Variants in PAPPA observed in about 807,000 individuals in gnomAD.
PAPPA encodes pappalysin 1.
Under a neutral mutation model 164.0 loss-of-function variants are expected in PAPPA, and 60 were observed. The observed-to-expected ratio is 0.37, with a 90% CI of 0.30 to 0.45. The LOEUF (loss-of-function observed/expected upper bound fraction) is 0.45. PAPPA is among the 20% of genes least tolerant of loss of function. The probability of loss-of-function intolerance (pLI) is 1.00; values close to 1 mark genes in which losing one functional copy is unlikely to be tolerated. For missense variants in PAPPA, 1,782 were observed against 2,087.3 expected (o/e 0.85, Z 2.85); for synonymous variants, 875 against 814.1 (o/e 1.07, Z -1.27).
chr9:116,332,908 G>A (rs144308489), intron 12 of PAPPA: 53 of 156,772 alleles, frequency 3.4e-4, no homozygotes, highest in Non-Finnish European at 6.5e-4. Context: ...CTATAACCGG[G>A]AGTGTTCATG....
chr9:116,290,365 CT>C (rs5900198), intron 9 of PAPPA, among the ~76,000 whole-genome samples: 109,944 of 147,398 alleles, frequency 0.75, 41,507 homozygotes, highest in East Asian at 0.83. Context: ...GTTTCTCCAT[CT>C]TTTTTTTTTT....
rs771940437 is a variant in PAPPA at position 116,344,689 on chromosome 9, A to T, written c.3758A>T (p.Asp1253Val). 1.3e-5 allele frequency: 21 copies of T among 1,613,656 alleles called. No homozygotes were observed. The East Asian group carries it at 3.6e-4, about 27-fold the overall frequency. Residue 1253 changes from aspartate (D) to valine (V), a missense_variant, in exon 14 of 22, where the codon GAT (aspartate) becomes GTT (valine). Physicochemically the swap from Asp to Val is radical, Grantham distance 152 (BLOSUM62 -3). Coordinates refer to ENST00000328252, the MANE Select transcript of PAPPA (RefSeq NM_002581.5). The stretch of plus-strand genomic sequence containing the variant: ...GGCTACGTGCTCCAGATACGGCGGG[A>T]TGATGAGCTGATCAAGAGCCAGGTA... ...RTGYVLQIRR[D>V]DELIKSQTGP...
At chr9:116,244,723 A>T (rs1425758464) in intron 7 of PAPPA, among the ~76,000 whole-genome samples, 1 of 152,200 alleles carries the variant, frequency 6.6e-6, no homozygotes, top group Non-Finnish European at 1.5e-5. Flanking sequence ...ATGAAAATGT[A>T]AATTAGTACA....
intron 2 of PAPPA, among the ~76,000 whole-genome samples, chr9:116,200,769 T>C (rs1409116612): frequency 6.6e-6 from 1 of 151,942 alleles, no homozygotes; most frequent in African/African-American, 2.4e-5. Context: ...GTAAGTGTTG[T>C]TGATGAATGA....
At chr9:116,172,937 G>T (rs576382012) in intron 1 of PAPPA, among the ~76,000 whole-genome samples, 4 of 152,260 alleles carry the variant, frequency 2.6e-5, no homozygotes, top group African/African-American at 9.6e-5. Context: ...AATCACTGAG[G>T]ATATGAAGTC....
intron 7 of PAPPA, among the ~76,000 whole-genome samples, chr9:116,264,146 AC>A (rs1256836125): frequency 1.3e-5 from 2 of 152,168 alleles, no homozygotes; most frequent in African/African-American, 4.8e-5. Context: ...TGGGATTGTT[AC>A]TTTTTTCTCC....
intron 7 of PAPPA, among the ~76,000 whole-genome samples, chr9:116,251,100 C>T (rs1205675873): frequency 6.6e-6 from 1 of 152,172 alleles, no homozygotes; most frequent in African/African-American, 2.4e-5. Flanking sequence ...GGTTCAAGTT[C>T]TCTCTCTCAT....
chr9:116,336,960 C>T (rs1048958602), intron 13 of PAPPA, among the ~76,000 whole-genome samples: 3 of 152,182 alleles, frequency 2.0e-5, no homozygotes, highest in African/African-American at 7.2e-5. Flanking sequence ...TTTATTATTG[C>T]ACCTCTTGAA....
chr9:116,395,459 G>A (rs938349669), intron 21 of PAPPA, among the ~76,000 whole-genome samples: 3 of 152,184 alleles, frequency 2.0e-5, no homozygotes, highest in Admixed American at 6.5e-5. Flanking sequence ...ATCCATCTGC[G>A]CAGATGGGAG....
chr9:116,241,562 A>G (rs986884309), intron 7 of PAPPA, among the ~76,000 whole-genome samples: 2 of 152,192 alleles, frequency 1.3e-5, no homozygotes, highest in Non-Finnish European at 2.9e-5. Flanking sequence ...TATATTTAAC[A>G]GTGCTTGTGG....
intron 7 of PAPPA, among the ~76,000 whole-genome samples, chr9:116,259,529 C>A (rs986047691): frequency 1.6e-4 from 24 of 152,118 alleles, no homozygotes; most frequent in Non-Finnish European, 3.2e-4. Flanking sequence ...ACTTGATCCA[C>A]AAACATGTGA....
Position 116,331,346 on chromosome 9 carries a change from T to C in PAPPA, c.3250T>C (p.Phe1084Leu). The change falls in exon 11 of 22, where the codon TTT (phenylalanine) becomes CTT (leucine). Residue 1084 changes from phenylalanine to leucine, a missense_variant. Physicochemically the swap from Phe to Leu is conservative, Grantham distance 22 (BLOSUM62 0). This residue lies in a region of PAPPA where 1,324 missense variants were observed against 1,656.9 expected (regional missense o/e 0.80). Coordinates refer to ENST00000328252, the MANE Select transcript of PAPPA (RefSeq NM_002581.5). ...YPYSQLAQTTFWLRAYFSQPM... is the reference protein window; with the variant it reads ...YPYSQLAQTTLWLRAYFSQPM... ...ATATTCCCAGCTGGCTCAGACCACT[T>C]TTTGGCTCCGGGTAAGCTGAAGCTC... is the stretch of plus-strand genomic sequence containing the variant. 1 of 1,608,986 alleles carries C rather than the reference T, an allele frequency of 6.2e-7. No individual in the cohort carries two copies. The highest frequency in any genetic ancestry group is 8.5e-7 in the Non-Finnish European group (1 of 1,175,270).
intron 17 of PAPPA, among the ~76,000 whole-genome samples, chr9:116,361,367 G>C (rs1846424582): frequency 6.6e-6 from 1 of 152,102 alleles, no homozygotes; most frequent in Admixed American, 6.5e-5. Flanking sequence ...CTCCATTTCT[G>C]TTCGGTAAAG....
chr9:116,321,051 G>A (rs1051234754), intron 10 of PAPPA, among the ~76,000 whole-genome samples: 2 of 149,636 alleles, frequency 1.3e-5, no homozygotes, highest in South Asian at 2.1e-4. Context: ...TTTTTGAGAC[G>A]GAGTCTCACT....
Position 116,227,502 on chromosome 9 carries a change from C to A in PAPPA, c.2183C>A (p.Ser728Tyr). ...GTGCAGTATGCTTCCAACGCTTCCT[C>A]CCCAATGCCCTGCAGCCCATCAGGA... ...ILVQYASNAS[S>Y]PMPCSPSGHW... is the part of the protein sequence containing the mutation. Residue 728 changes from serine (S) to tyrosine (Y), a missense_variant, in exon 6 of 22, where the codon TCC becomes TAC. Physicochemically the swap from Ser to Tyr is moderately radical, Grantham distance 144 (BLOSUM62 -2). This residue lies in a region of PAPPA where 1,324 missense variants were observed against 1,656.9 expected (regional missense o/e 0.80). Transcript: ENST00000328252. The A allele has an allele frequency of 6.2e-7, 1 of 1,614,074 alleles. No homozygotes were observed. Among genetic ancestry groups the A allele is most frequent in the Non-Finnish European group, 8.5e-7 (1 of 1,179,996 alleles).
At chr9:116,156,168 G>A (rs549949039) in intron 1 of PAPPA, among the ~76,000 whole-genome samples, 15 of 150,312 alleles carry the variant, frequency 1.0e-4, no homozygotes, top group Non-Finnish European at 1.6e-4. Flanking sequence ...TAGTACCAGT[G>A]ATTTGGAAGG....
intron 2 of PAPPA, among the ~76,000 whole-genome samples, chr9:116,195,801 C>T (rs889149917): frequency 5.3e-5 from 8 of 152,154 alleles, no homozygotes; most frequent in African/African-American, 7.2e-5. Flanking sequence ...AATCTCAGTG[C>T]GGGAGTAAGA....
intron 9 of PAPPA, among the ~76,000 whole-genome samples, chr9:116,291,578 T>G (rs1845436414): frequency 1.3e-5 from 2 of 152,162 alleles, no homozygotes; most frequent in African/African-American, 4.8e-5. Flanking sequence ...TGCTATGAGA[T>G]TGACACTATC....
At chr9:116,261,840 G>A (rs376397689) in intron 7 of PAPPA, among the ~76,000 whole-genome samples, 1 of 151,950 alleles carries the variant, frequency 6.6e-6, no homozygotes, top group South Asian at 2.1e-4. Context: ...TGGCACATAT[G>A]CCATTTGCGA....
Sources: allele counts gnomAD v4.1 joint callset (sites outside exome capture counted in the v4.1 genomes callset), GRCh38; gene constraint gnomAD v4.1.1; regional missense constraint gnomAD v4.1.1; transcripts MANE v1.5; gene names NCBI Gene and HGNC (gene_info 2026-07-23, HGNC 2026-07-21).